The following GOLT1A variants were observed in gnomAD, a reference collection of about 807,000 sequenced individuals.
The protein encoded by GOLT1A is vesicle transport protein GOT1A.
Under a neutral mutation model 16.1 loss-of-function variants are expected in GOLT1A, and 10 were observed. That is an observed-to-expected ratio of 0.62 (90% confidence interval 0.38 to 1.05). GOLT1A has a LOEUF of 1.05. Ranked by LOEUF, GOLT1A falls within the 50% of genes least tolerant of loss-of-function variation. The probability of loss-of-function intolerance (pLI) is 0.01; values close to 1 mark genes in which losing one functional copy is unlikely to be tolerated. For synonymous variants in GOLT1A, 60 were observed against 67.9 expected (o/e 0.88, Z 0.57); for missense variants, 137 against 165.7 (o/e 0.83, Z 0.95).
At chr1:204,208,452 ATG>A (rs1659082899) in intron 1 of GOLT1A, among the ~76,000 whole-genome samples, 72 of 85,728 alleles carry the variant, frequency 8.4e-4, no homozygotes, top group African/African-American at 1.7e-3. Flanking sequence ...GTGTGTATAT[ATG>A]TATACTTGTG....
chr1:204,207,060 C>A (rs1431520274), intron 1 of GOLT1A, among the ~76,000 whole-genome samples: 1 of 152,230 alleles, frequency 6.6e-6, no homozygotes, highest in Non-Finnish European at 1.5e-5. Context: ...AAGCTTCAGA[C>A]CCGCCTTTGC....
chr1:204,201,176 AC>A (rs1305834891), intron 3 of GOLT1A, among the ~76,000 whole-genome samples: 1 of 152,152 alleles, frequency 6.6e-6, no homozygotes, highest in Non-Finnish European at 1.5e-5. Flanking sequence ...GTTAAGGGCG[AC>A]CTTTTTCACA....
At chr1:204,210,453 C>T (rs1250419448) in intron 1 of GOLT1A, among the ~76,000 whole-genome samples, 1 of 152,176 alleles carries the variant, frequency 6.6e-6, no homozygotes, top group Non-Finnish European at 1.5e-5. Context: ...GCTGGGATCT[C>T]GCTCTGTTGC....
chr1:204,206,007 T>G (rs1479626376), intron 1 of GOLT1A, among the ~76,000 whole-genome samples: 2 of 152,000 alleles, frequency 1.3e-5, no homozygotes, highest in South Asian at 2.1e-4. Context: ...GAGGTGGAGG[T>G]TGCAGTGAGC....
At position 204,208,446 on chromosome 1, in the gene GOLT1A, G is replaced by A. The variant is rs1659082569; in HGVS notation, c.25+5436C>T. 6.6e-5 allele frequency among the ~76,000 whole-genome samples: 5 copies of A among 75,700 alleles called. No homozygotes were observed. The South Asian group carries it at 1.3e-3, about 19-fold the overall frequency. 49.7% of individuals were successfully genotyped at this position (75,700 alleles called of 152,430 possible). ...TATGTGTATATGTATACATATGTGT[G>A]TATATATGTATACTTGTGTGTGTGT... On this transcript the variant is annotated intron_variant, in intron 1 of 4. Transcript: ENST00000308302.
chr1:204,199,307 A>C (rs1455428527), intron 3 of GOLT1A, 49 bp from the exon 4 acceptor site: 1 of 1,467,482 alleles, frequency 6.8e-7, no homozygotes, highest in African/African-American at 1.4e-5. Flanking sequence ...CCAGGAAGAG[A>C]GGATAGAGGG....
chr1:204,209,323 C>T (rs995927853), intron 1 of GOLT1A, among the ~76,000 whole-genome samples: 1 of 152,162 alleles, frequency 6.6e-6, no homozygotes, highest in African/African-American at 2.4e-5. Context: ...CCCTCACCAC[C>T]CCATCCCTGA....
intron 3 of GOLT1A, among the ~76,000 whole-genome samples, chr1:204,200,297 GTGTATATATATATATATATATATGTTTT>G (rs1658931141): frequency 2.5e-5 from 1 of 40,360 alleles, no homozygotes; most frequent in Non-Finnish European, 4.3e-5. Flanking sequence ...TGACATATAT[GTGTATATATATATATATATATATGTTTT>G]TGTTTTTTTT....
intron 1 of GOLT1A, among the ~76,000 whole-genome samples, chr1:204,208,325 T>C (rs1234305377): frequency 1.4e-5 from 2 of 147,486 alleles, no homozygotes; most frequent in African/African-American, 5.1e-5. Flanking sequence ...CACATATACA[T>C]ATATATGTAT....
chr1:204,198,447 ATC>A lies in GOLT1A; in HGVS notation c.*9_*10del. 6.2e-7 allele frequency: 1 copy of A among 1,612,994 alleles called. No individual in the cohort carries two copies. The highest frequency in any genetic ancestry group is 8.5e-7 in the Non-Finnish European group (1 of 1,179,152). ...CCAATGATCCAAGTTCAAGGAGCTC[ATC>A]TCTGTTTTTCAGACCATCGAGCTAG... On this transcript the variant is annotated 3_prime_UTR_variant, in exon 5 of 5. Coordinates refer to ENST00000308302, the MANE Select transcript of GOLT1A (RefSeq NM_198447.2).
chr1:204,204,940 T>G (rs1192892803), intron 1 of GOLT1A, among the ~76,000 whole-genome samples: 2 of 152,270 alleles, frequency 1.3e-5, no homozygotes, highest in Admixed American at 1.3e-4. Flanking sequence ...TCTTTTCATG[T>G]GCTTGTTAGC....
rs199669102 is a variant in GOLT1A, at chr1:204,202,893, C to T, written c.117+3G>A. 534 of 1,611,992 alleles carry T rather than the reference C, an allele frequency of 3.3e-4. 2 individuals carry two copies. The highest frequency in any genetic ancestry group is 3.0e-4 in the Admixed American group (18 of 60,000). ...AGTGGGGACACAGGGCTGGGAGACT[C>T]ACGTTTCCAAAGGCCAGGAGCACGG... On this transcript the variant is annotated splice_donor_region_variant and intron_variant, in intron 2 of 4. Coordinates refer to ENST00000308302, the MANE Select transcript of GOLT1A (RefSeq NM_198447.2).
intron 2 of GOLT1A, 67 bp downstream of exon 2, chr1:204,202,829 A>G (rs1557985412): frequency 1.8e-6 from 2 of 1,105,752 alleles, no homozygotes; most frequent in East Asian, 4.7e-5. Flanking sequence ...TGCCAGGACT[A>G]TCCTGGCAAT....
chr1:204,207,053 C>A (rs1308480742), intron 1 of GOLT1A, among the ~76,000 whole-genome samples: 1 of 152,230 alleles, frequency 6.6e-6, no homozygotes, highest in African/African-American at 2.4e-5. Flanking sequence ...CACACACAAG[C>A]TTCAGACCCG....
intron 1 of GOLT1A, among the ~76,000 whole-genome samples, chr1:204,203,825 G>C (rs991171050): frequency 3.2e-4 from 48 of 151,460 alleles, no homozygotes; most frequent in Non-Finnish European, 6.8e-4. Context: ...CCATTCCCAA[G>C]GTTTGACAGT....
rs771376509 is a variant in GOLT1A at position 204,199,235 on chromosome 1, C to T, written c.320G>A (p.Gly107Asp). ...LFKGFFPVAF[G>D]FLGNVCNIPF... ...GATGTTGCAGACATTGCCCAGGAAG[C>T]CGAAGGCGACAGGGAAAAAGCCCCT... The change falls in exon 4 of 5, where the codon GGC becomes GAC. Residue 107 changes from glycine (G) to aspartate (D), a missense_variant. Gly to Asp is a moderately conservative substitution (Grantham distance 94). Transcript: ENST00000308302. 19 of 1,603,798 alleles carry T rather than the reference C, an allele frequency of 1.2e-5. No homozygotes were observed. Among genetic ancestry groups the T allele is most frequent in the Non-Finnish European group, 1.6e-5 (19 of 1,176,184 alleles).
chr1:204,208,448 A>G (rs1187701134), intron 1 of GOLT1A, among the ~76,000 whole-genome samples: 52 of 94,920 alleles, frequency 5.5e-4, no homozygotes, highest in Admixed American at 8.0e-4. Context: ...ATATGTGTGT[A>G]TATATGTATA....
At chr1:204,207,269 G>A (rs1659054138) in intron 1 of GOLT1A, among the ~76,000 whole-genome samples, 1 of 152,224 alleles carries the variant, frequency 6.6e-6, no homozygotes. Context: ...GCCCTCTGCT[G>A]GAGGCGGCCA....
intron 1 of GOLT1A, among the ~76,000 whole-genome samples, chr1:204,209,654 A>G (rs965093116): frequency 6.6e-6 from 1 of 152,188 alleles, no homozygotes; most frequent in Non-Finnish European, 1.5e-5. Flanking sequence ...AGGTACTACT[A>G]TTAGCACCAT....
Sources: gnomAD v4.1 joint callset for allele counts (sites outside exome capture counted in the v4.1 genomes callset) on GRCh38, gnomAD v4.1.1 for gene constraint, MANE v1.5 for transcripts, NCBI Gene and HGNC (gene_info 2026-07-23, HGNC 2026-07-21) for gene names.